Variants in CALN1 observed in about 807,000 individuals in gnomAD.
CALN1 encodes the protein calneuron 1.
Under a neutral mutation model 30.6 loss-of-function variants are expected in CALN1, and 17 were observed. The ratio of observed to expected loss-of-function variants is 0.56; its 90% confidence interval spans 0.38 to 0.83. CALN1 has a LOEUF of 0.83. Among genes scored for constraint, CALN1 ranks in the 40% least tolerant of loss-of-function variants. CALN1 has a pLI of 0.00. For missense variants in CALN1, 291 were observed against 354.9 expected (o/e 0.82, Z 1.45); for synonymous variants, 156 against 131.4 (o/e 1.19, Z -1.28).
the CALN1 span, among the ~76,000 whole-genome samples, chr7:72,455,987 C>T: frequency 6.6e-6 from 1 of 151,782 alleles, no homozygotes; most frequent in African/African-American, 2.4e-5. Context: ...GAGATCGAGA[C>T]CATCCTGGAC....
chr7:72,318,937 A>G (rs1800683242), intron 2 of CALN1, among the ~76,000 whole-genome samples: 1 of 152,060 alleles, frequency 6.6e-6, no homozygotes, highest in South Asian at 2.1e-4. Flanking sequence ...TGTTAGTGTG[A>G]ATACAAATGA....
chr7:71,906,288 C>T (rs1383150567), intron 5 of CALN1, among the ~76,000 whole-genome samples: 2 of 152,102 alleles, frequency 1.3e-5, no homozygotes, highest in African/African-American at 4.8e-5. Flanking sequence ...TTCCATTTTC[C>T]AGGCTTTGGG....
chr7:71,917,834 T>C (rs1320463070), intron 5 of CALN1, among the ~76,000 whole-genome samples: 1 of 152,224 alleles, frequency 6.6e-6, no homozygotes, highest in Non-Finnish European at 1.5e-5. Context: ...ACCGTTACAA[T>C]TGTGATTATC....
intron 1 of CALN1, among the ~76,000 whole-genome samples, chr7:72,404,494 C>G (rs1048239233): frequency 6.6e-6 from 1 of 152,132 alleles, no homozygotes; most frequent in Admixed American, 6.5e-5. Flanking sequence ...GTGATGAAAC[C>G]AACAAAGCCC....
At chr7:71,947,736 T>C (rs1268594165) in intron 5 of CALN1, among the ~76,000 whole-genome samples, 1 of 151,728 alleles carries the variant, frequency 6.6e-6, no homozygotes. Context: ...AGGTCAGGAG[T>C]TCGAGACCAG....
intron 5 of CALN1, among the ~76,000 whole-genome samples, chr7:71,871,652 GCTC>G (rs1288048737): frequency 1.3e-5 from 2 of 152,112 alleles, no homozygotes; most frequent in Admixed American, 6.6e-5. Flanking sequence ...CCACCAGATG[GCTC>G]CTCCTCAGGA....
At chr7:72,089,047 T>C (rs1298536105) in intron 4 of CALN1, among the ~76,000 whole-genome samples, 4 of 152,028 alleles carry the variant, frequency 2.6e-5, no homozygotes, top group East Asian at 1.9e-4. Flanking sequence ...AAGACAGATA[T>C]AGAGACAAGA....
chr7:71,877,830 G>C (rs934033127), intron 5 of CALN1, among the ~76,000 whole-genome samples: 1 of 152,168 alleles, frequency 6.6e-6, no homozygotes, highest in Admixed American at 6.5e-5. Context: ...GAATAGGCGA[G>C]AAAGTCCGAA....
chr7:71,878,714 G>A (rs1265962262), intron 5 of CALN1, among the ~76,000 whole-genome samples: 1 of 152,284 alleles, frequency 6.6e-6, no homozygotes, highest in East Asian at 1.9e-4. Context: ...TGAGAAAGAG[G>A]TGGCTTTAAC....
chr7:72,030,183 T>TA (rs899065583), intron 4 of CALN1, among the ~76,000 whole-genome samples: 46 of 152,328 alleles, frequency 3.0e-4, no homozygotes, highest in African/African-American at 1.1e-3. Context: ...TCTTGAGCGT[T>TA]AGAGTATTGG....
intron 2 of CALN1, among the ~76,000 whole-genome samples, chr7:72,379,066 C>T (rs761617293): frequency 6.6e-6 from 1 of 152,130 alleles, no homozygotes; most frequent in Non-Finnish European, 1.5e-5. Context: ...GTTGGATTAT[C>T]CTTTTTATAT....
At position 72,228,009 on chromosome 7, in the gene CALN1, G is replaced by A. The variant is rs117399142; in HGVS notation, c.244+50677C>T. Among the ~76,000 whole-genome samples, 1,408 of 152,002 alleles carry A rather than the reference G, an allele frequency of 9.3e-3. 67 individuals are homozygous for A. In the East Asian group the frequency reaches 0.13, roughly 14 times the overall value. The stretch of plus-strand genomic sequence containing the variant: ...ATTTCTGCTAAGCTCCTCCAATGTC[G>A]GATTTCAGGTTCACGGCAAAGCAGA... On this transcript the variant is annotated intron_variant, in intron 3 of 6. Transcript: ENST00000395275.
chr7:71,847,836 AGAAGGAGAAGG>A (rs1562835945), intron 5 of CALN1, among the ~76,000 whole-genome samples: 85 of 97,894 alleles, frequency 8.7e-4, no homozygotes, highest in South Asian at 3.6e-3. Context: ...AAGGAGAAGG[AGAAGGAGAAGG>A]AGAAGAAGAA....
At chr7:72,349,608 T>A (rs1802820602) in intron 2 of CALN1, among the ~76,000 whole-genome samples, 2 of 152,322 alleles carry the variant, frequency 1.3e-5, no homozygotes, top group Middle Eastern at 3.4e-3. Flanking sequence ...ATGGAACATT[T>A]TTAATGTGCT....
chr7:72,336,833 T>C, intron 2 of CALN1: 3 of 984,830 alleles, frequency 3.0e-6, no homozygotes, highest in Non-Finnish European at 2.4e-6. Flanking sequence ...GCTCAGCCTC[T>C]CGCTCACACC....
At chr7:71,833,200 C>T (rs922499830) in intron 5 of CALN1, among the ~76,000 whole-genome samples, 2 of 152,150 alleles carry the variant, frequency 1.3e-5, no homozygotes, top group African/African-American at 4.8e-5. Flanking sequence ...TTCTATACAA[C>T]CTTAATAGAG....
chr7:72,221,996 C>T (rs1033149609), intron 3 of CALN1, among the ~76,000 whole-genome samples: 2 of 150,006 alleles, frequency 1.3e-5, no homozygotes, highest in Admixed American at 6.7e-5. Flanking sequence ...GAGGCCAAGG[C>T]GGGCGGATCA....
At chr7:72,339,399 C>G (rs377132227) in intron 2 of CALN1, among the ~76,000 whole-genome samples, 1 of 152,172 alleles carries the variant, frequency 6.6e-6, no homozygotes, top group Non-Finnish European at 1.5e-5. Context: ...AGGTACCACT[C>G]TTAAGGACTT....
intron 2 of CALN1, among the ~76,000 whole-genome samples, chr7:72,316,239 G>C (rs916040391): frequency 2.0e-5 from 3 of 151,954 alleles, no homozygotes; most frequent in African/African-American, 7.2e-5. Flanking sequence ...AAAACAACAC[G>C]TGGCACACCC....
Sources: gnomAD v4.1 joint callset for allele counts (sites outside exome capture counted in the v4.1 genomes callset) on GRCh38, gnomAD v4.1.1 for gene constraint, MANE v1.5 for transcripts, NCBI Gene and HGNC (gene_info 2026-07-23, HGNC 2026-07-21) for gene names.